The following RNF213 variants were observed in gnomAD, a reference collection of about 807,000 sequenced individuals.
RNF213 encodes the protein E3 ubiquitin-protein ligase RNF213.
Under a neutral mutation model 514.4 loss-of-function variants are expected in RNF213, and 341 were observed. The observed-to-expected ratio is 0.66, with a 90% CI of 0.61 to 0.73. RNF213 has a LOEUF of 0.73. Among genes scored for constraint, RNF213 ranks in the 30% least tolerant of loss-of-function variants. The probability of loss-of-function intolerance (pLI) is 0.00; values close to 1 mark genes in which losing one functional copy is unlikely to be tolerated. For missense variants in RNF213, 5,767 were observed against 6,615.6 expected (o/e 0.87, Z 4.45); for synonymous variants, 2,655 against 2,658.2 (o/e 1.00, Z 0.04).
chr17:80,295,549 A>G lies in RNF213; in HGVS notation c.1756-8A>G. On this transcript the variant is annotated splice_polypyrimidine_tract_variant and splice_region_variant and intron_variant, in intron 9 of 67. Transcript: ENST00000582970. Reference sequence around the variant, plus strand: ...GGTTCATGCATCTTCCTCTTCTCCCACCATCAGGTGAAGAGATACCTGTGG... The same window carrying G: ...GGTTCATGCATCTTCCTCTTCTCCCGCCATCAGGTGAAGAGATACCTGTGG... 1 of 1,614,034 alleles carries G rather than the reference A, an allele frequency of 6.2e-7. No individual in the cohort carries two copies. Among genetic ancestry groups the G allele is most frequent in the Non-Finnish European group, 8.5e-7 (1 of 1,179,978 alleles).
chr17:80,360,811 C>A (rs774700048), intron 38 of RNF213, among the ~76,000 whole-genome samples: 3 of 152,200 alleles, frequency 2.0e-5, no homozygotes, highest in Non-Finnish European at 2.9e-5. Context: ...GTCTTTTCCA[C>A]GTTTACTTAT....
chr17:80,281,042 ACACACACACTCCACTCACCCCAGT>A (rs2044237582), intron 3 of RNF213, among the ~76,000 whole-genome samples: 1 of 151,126 alleles, frequency 6.6e-6, no homozygotes, highest in East Asian at 1.9e-4. Context: ...TTTGGGTAAA[ACACACACACTCCACTCACCCCAGT>A]CACACACACC....
chr17:80,335,935 T>C (rs969959239), intron 22 of RNF213, among the ~76,000 whole-genome samples: 1 of 147,110 alleles, frequency 6.8e-6, no homozygotes, highest in Non-Finnish European at 1.5e-5. Context: ...CGAGATCATG[T>C]CACTTCACTC....
intron 46 of RNF213, chr17:80,371,636 A>G: frequency 2.8e-6 from 1 of 360,776 alleles, no homozygotes; most frequent in Non-Finnish European, 5.0e-6. Context: ...AATTTTTAAG[A>G]CTATAAAGGG....
chr17:80,288,327 G>A lies in RNF213; in HGVS notation c.774G>A (p.Gln258=), dbSNP rs746687526. 2.7e-5 allele frequency: 44 copies of A among 1,612,714 alleles called. No individual in the cohort carries two copies. The South Asian group carries it at 4.8e-4, about 18-fold the overall frequency. The change falls in exon 4 of 68, where the codon CAG becomes CAA. Residue 258 remains glutamine (Q), a synonymous_variant. Transcript: ENST00000582970. This position sits in a 1 kb window ranked among gnomAD's most constrained non-coding sequence, Gnocchi z 4.9. ...GGSSEPGTEL[Q]TTEQQAGASA... is the part of the protein sequence containing the mutation. ...GCTCTGAGCCCGGGACAGAACTGCA[G>A]ACCACCGAGCAACAGGCAGGGGCCT... is the stretch of plus-strand genomic sequence containing the variant.
chr17:80,318,723 G>A (rs370491274), intron 16 of RNF213, among the ~76,000 whole-genome samples: 29 of 152,152 alleles, frequency 1.9e-4, no homozygotes, highest in African/African-American at 3.9e-4. Context: ...ACAGGCGCCC[G>A]CCACCGCGCC....
chr17:80,381,720 TAGC>T lies in RNF213; in HGVS notation c.13974_13976del (p.Ser4658del). 3 of 1,613,346 alleles carry T rather than the reference TAGC, an allele frequency of 1.9e-6. No homozygotes were observed. Among genetic ancestry groups the T allele is most frequent in the Non-Finnish European group, 2.5e-6 (3 of 1,179,878 alleles). On this transcript the variant is annotated inframe_deletion, in exon 57 of 68. Coordinates refer to ENST00000582970, the MANE Select transcript of RNF213 (RefSeq NM_001256071.3). ...TTCTCCAAGAGCAGCACCAGCTCTC[TAGC>T]AGAAGTGAGGAAAGGGGCAAGGGCT... is the stretch of plus-strand genomic sequence containing the variant.
intron 3 of RNF213, among the ~76,000 whole-genome samples, chr17:80,284,093 C>G (rs936393046): frequency 2.0e-5 from 3 of 151,930 alleles, no homozygotes; most frequent in African/African-American, 7.3e-5. Flanking sequence ...GGCACAGTAG[C>G]TCACGCCTGG....
intron 1 of RNF213, among the ~76,000 whole-genome samples, chr17:80,261,398 T>C (rs1458890246): frequency 6.6e-6 from 1 of 152,214 alleles, no homozygotes. Flanking sequence ...CGCAGCGTCC[T>C]TCCGACTTGG....
At chr17:80,381,516 C>G in intron 56 of RNF213, 31 bp from the exon 57 acceptor site, 1 of 1,612,322 alleles carries the variant, frequency 6.2e-7, no homozygotes, top group Non-Finnish European at 8.5e-7. Flanking sequence ...ACCAGATCCC[C>G]GCTGAACACT....
intron 12 of RNF213, among the ~76,000 whole-genome samples, 191 bp from the exon 13 acceptor site, chr17:80,306,937 G>T (rs138724571): frequency 1.3e-5 from 2 of 152,140 alleles, no homozygotes; most frequent in African/African-American, 4.8e-5. Flanking sequence ...GGAGAAAATG[G>T]TATAAGTTTA....
chr17:80,381,409 G>T, intron 56 of RNF213, 138 bp from the exon 57 acceptor site: 1 of 880,322 alleles, frequency 1.1e-6, no homozygotes, highest in Non-Finnish European at 1.9e-6. Context: ...CTTTCACCTG[G>T]ATCACTCCGC....
intron 8 of RNF213, among the ~76,000 whole-genome samples, chr17:80,293,640 G>C (rs759902605): frequency 2.6e-5 from 4 of 151,792 alleles, no homozygotes; most frequent in African/African-American, 9.7e-5. Context: ...TGGCTAACAC[G>C]GTGAAACCCC....
chr17:80,299,217 T>TTGTTAAGCTAATGACTG (rs61152002), intron 11 of RNF213, among the ~76,000 whole-genome samples: 1 of 152,004 alleles, frequency 6.6e-6, no homozygotes, highest in African/African-American at 2.4e-5. Flanking sequence ...CTTGTCTATG[T>TTGTTAAGCTAATGACTG]CTTAGCGTTC....
Position 80,350,351 on chromosome 17 carries a change from A to T in RNF213, c.10139A>T (p.Asp3380Val). 6.2e-7 allele frequency: 1 copy of T among 1,612,392 alleles called. No homozygotes were observed. Among genetic ancestry groups the T allele is most frequent in the Non-Finnish European group, 8.5e-7 (1 of 1,178,488 alleles). Residue 3380 changes from aspartate (D) to valine (V), a missense_variant, in exon 31 of 68, where the codon GAT (aspartate) becomes GTT (valine). Physicochemically the swap from Asp to Val is radical, Grantham distance 152. Coordinates refer to ENST00000582970, the MANE Select transcript of RNF213 (RefSeq NM_001256071.3). ...AKCKILIFQT[D>V]FEDGIRSAQL... The stretch of plus-strand genomic sequence containing the variant: ...TGTAAAATCCTCATTTTTCAGACAG[A>T]TTTTGAAGATGGAATCCGTAGCGCC...
intron 63 of RNF213, 95 bp from the exon 64 acceptor site, chr17:80,388,517 C>A: frequency 2.4e-6 from 2 of 847,884 alleles, no homozygotes; most frequent in Admixed American, 1.7e-5. Context: ...CGCGGCACTA[C>A]GCTGCAGTTT....
rs1489461552 is a variant in RNF213 at position 80,369,619 on chromosome 17, C to T, written c.12273C>T (p.Ser4091=). 6.2e-7 allele frequency: 1 copy of T among 1,614,228 alleles called. No individual in the cohort carries two copies. The part of the protein sequence containing the change: ...NAPPEKEVIE[S]LLSLLFVQKG... ...CGCCTGAGAAGGAAGTGATTGAGAG[C>T]CTGCTCTCTCTCCTCTTCGTCCAAA... Residue 4091 remains serine, a synonymous_variant, in exon 45 of 68, where the codon AGC becomes AGT. Coordinates refer to ENST00000582970, the MANE Select transcript of RNF213 (RefSeq NM_001256071.3).
rs1218302510 is a variant in RNF213 at position 80,264,623 on chromosome 17, C to T, written c.97+845C>T. Among the ~76,000 whole-genome samples the T allele has an allele frequency of 6.6e-6, 1 of 152,268 alleles. No individual in the cohort carries two copies. Among genetic ancestry groups the T allele is most frequent in the Admixed American group, 6.5e-5 (1 of 15,278 alleles). On this transcript the variant is annotated intron_variant, in intron 2 of 67. Coordinates refer to ENST00000582970, the MANE Select transcript of RNF213 (RefSeq NM_001256071.3). The surrounding 1 kb of genome is among the most constrained non-coding windows in gnomAD (Gnocchi z 5.0). ...CCCATCACCCCGGGGCCCTCTCCTT[C>T]CTCCATGACCCACATGCAGAGGGCC...
chr17:80,390,202 G>A lies in RNF213; in HGVS notation c.15470+6G>A, dbSNP rs2080407770. The A allele has an allele frequency of 1.9e-6, 3 of 1,613,658 alleles. No individual in the cohort carries two copies. The highest frequency in any genetic ancestry group is 3.3e-5 in the Admixed American group (2 of 60,004). ...CGCTTCCGCCCTCAGTGGAGGTATG[G>A]ATTTGCACACCTATGGGGCGGGGCA... On this transcript the variant is annotated splice_donor_region_variant and intron_variant, in intron 67 of 67. Coordinates refer to ENST00000582970, the MANE Select transcript of RNF213 (RefSeq NM_001256071.3).
Sources: allele counts gnomAD v4.1 joint callset (sites outside exome capture counted in the v4.1 genomes callset), GRCh38; gene constraint gnomAD v4.1.1; non-coding constraint Gnocchi (gnomAD v3.1); transcripts MANE v1.5; gene names NCBI Gene and HGNC (gene_info 2026-07-23, HGNC 2026-07-21).